UST: variants seen among roughly 807,000 people sequenced by gnomAD.
UST encodes chondroitin sulfate 2-O-sulfotransferase.
In UST, 21 loss-of-function variants were observed where a neutral mutation model predicts 45.6. That is an observed-to-expected ratio of 0.46 (90% confidence interval 0.33 to 0.66). UST has a LOEUF of 0.66. UST is among the 30% of genes least tolerant of loss of function. The pLI is 0.02. For synonymous variants in UST, 215 were observed against 200.6 expected (o/e 1.07, Z -0.61); for missense variants, 463 against 512.4 (o/e 0.90, Z 0.93).
At chr6:149,006,945 A>T (rs1353352538) in intron 5 of UST, among the ~76,000 whole-genome samples, 1 of 152,120 alleles carries the variant, frequency 6.6e-6, no homozygotes, top group Non-Finnish European at 1.5e-5. Context: ...TTCTGTCTGT[A>T]GTTGACAGGT....
At chr6:148,887,081 AG>A in intron 2 of UST, 52 bp downstream of exon 2, 1 of 1,407,666 alleles carries the variant, frequency 7.1e-7, no homozygotes, top group Non-Finnish European at 1.0e-6. Context: ...TCTTACTTAC[AG>A]CCTCCAACAA....
intron 1 of UST, among the ~76,000 whole-genome samples, chr6:148,750,864 C>T (rs939764351): frequency 6.6e-6 from 1 of 152,210 alleles, no homozygotes; most frequent in Non-Finnish European, 1.5e-5. Context: ...TAATGTTGGT[C>T]GGACTCGCAT....
chr6:148,886,935 T>C (rs746815688), intron 1 of UST, 51 bp from the exon 2 acceptor site: 1 of 1,476,178 alleles, frequency 6.8e-7, no homozygotes, highest in South Asian at 1.1e-5. Flanking sequence ...TGCACTAAAT[T>C]CATTTGGGAT....
chr6:148,935,249 C>T (rs1779997123), intron 2 of UST, among the ~76,000 whole-genome samples: 1 of 152,156 alleles, frequency 6.6e-6, no homozygotes, highest in African/African-American at 2.4e-5. Flanking sequence ...ATATATAATT[C>T]ATAGAATGAA....
At chr6:149,032,238 C>G (rs971245581) in intron 7 of UST, among the ~76,000 whole-genome samples, 1 of 152,188 alleles carries the variant, frequency 6.6e-6, no homozygotes, top group African/African-American at 2.4e-5. Flanking sequence ...CTGCCCTCTT[C>G]CCATCCTACC....
At chr6:148,880,117 G>A (rs1356862052) in intron 1 of UST, among the ~76,000 whole-genome samples, 1 of 151,112 alleles carries the variant, frequency 6.6e-6, no homozygotes, top group Non-Finnish European at 1.5e-5. Flanking sequence ...ACCAGGCTCA[G>A]CTAATTTTTG....
intron 2 of UST, among the ~76,000 whole-genome samples, chr6:148,915,041 A>G (rs952495522): frequency 3.3e-5 from 5 of 152,078 alleles, no homozygotes; most frequent in Non-Finnish European, 7.4e-5. Context: ...TGGAGGGGGC[A>G]TGGCAATTCT....
intron 2 of UST, among the ~76,000 whole-genome samples, chr6:148,911,078 G>T (rs1779465560): frequency 6.6e-6 from 1 of 152,062 alleles, no homozygotes; most frequent in African/African-American, 2.4e-5. Context: ...AGGGTCTCTG[G>T]TGAAGCCCAG....
At chr6:148,974,947 G>A (rs948311558) in intron 5 of UST, among the ~76,000 whole-genome samples, 2 of 152,152 alleles carry the variant, frequency 1.3e-5, no homozygotes, top group Non-Finnish European at 2.9e-5. Flanking sequence ...ACTCACTTCC[G>A]GGTTTTGTAA....
At chr6:148,993,956 C>CTTTTTTTTTTTTTTTTTT (rs57552256) in intron 5 of UST, among the ~76,000 whole-genome samples, 1 of 95,366 alleles carries the variant, frequency 1.0e-5, no homozygotes, top group African/African-American at 4.6e-5. Context: ...TATTTCTTTC[C>CTTTTTTTTTTTTTTTTTT]TTTTTTTTTT....
At chr6:148,851,838 C>A (rs1441884078) in intron 1 of UST, among the ~76,000 whole-genome samples, 1 of 152,220 alleles carries the variant, frequency 6.6e-6, no homozygotes, top group Admixed American at 6.5e-5. Flanking sequence ...GCTCACTGCT[C>A]CGACAACTTA....
At chr6:148,773,524 T>C (rs1776473697) in intron 1 of UST, among the ~76,000 whole-genome samples, 1 of 151,488 alleles carries the variant, frequency 6.6e-6, no homozygotes, top group Non-Finnish European at 1.5e-5. Context: ...GTATTAAGAG[T>C]CTAATTTATT....
At chr6:149,063,404 A>T (rs1349279472) in intron 7 of UST, among the ~76,000 whole-genome samples, 2 of 152,234 alleles carry the variant, frequency 1.3e-5, no homozygotes, top group Non-Finnish European at 2.9e-5. Flanking sequence ...TTAAAAAAAT[A>T]TCAAAAACAT....
In UST at chr6:149,049,925, T is replaced by TCA. The variant is rs1368206282; in HGVS notation, c.938-23907_938-23906insAC. On this transcript the variant is annotated intron_variant, in intron 7 of 7. Transcript: ENST00000367463. ...CTCACCTTGTCTCTCTCTCTCTCTC[T>TCA]CTCTCTCACACACACACACACACAC... is the stretch of plus-strand genomic sequence containing the variant. Among the ~76,000 whole-genome samples the TCA allele has an allele frequency of 3.9e-4, 50 of 128,806 alleles. No homozygotes were observed. The South Asian group carries it at 4.4e-3, about 11-fold the overall frequency. The allele number at this position is 128,806 out of a possible 152,430, so 84.5% of individuals were successfully genotyped here.
intron 5 of UST, among the ~76,000 whole-genome samples, chr6:148,965,291 TC>T (rs1780765541): frequency 6.6e-6 from 1 of 152,134 alleles, no homozygotes; most frequent in African/African-American, 2.4e-5. Flanking sequence ...AAGGTACATT[TC>T]CCATCCCTGT....
chr6:148,776,655 AGAAAGT>A (rs1345525620), intron 1 of UST, among the ~76,000 whole-genome samples: 1 of 152,236 alleles, frequency 6.6e-6, no homozygotes, highest in Admixed American at 6.5e-5. Context: ...GGTGTTTTCT[AGAAAGT>A]GAAAGTTTAG....
intron 1 of UST, among the ~76,000 whole-genome samples, chr6:148,792,687 G>A (rs1007586362): frequency 6.6e-6 from 1 of 152,088 alleles, no homozygotes; most frequent in Non-Finnish European, 1.5e-5. Flanking sequence ...CATTTTCTGG[G>A]ATCTATTTTA....
chr6:149,049,202 C>T (rs980355059), intron 7 of UST, among the ~76,000 whole-genome samples: 1 of 152,012 alleles, frequency 6.6e-6, no homozygotes, highest in African/African-American at 2.4e-5. Context: ...TACATAAAAA[C>T]TATTATAAGG....
chr6:148,947,467 G>A (rs1223225817), intron 3 of UST, among the ~76,000 whole-genome samples: 3 of 152,178 alleles, frequency 2.0e-5, no homozygotes, highest in South Asian at 2.1e-4. Flanking sequence ...AAAAACTCCC[G>A]AAGAGGTCCT....
Sources: gnomAD v4.1 joint callset for allele counts (sites outside exome capture counted in the v4.1 genomes callset) on GRCh38, gnomAD v4.1.1 for gene constraint, MANE v1.5 for transcripts, NCBI Gene and HGNC (gene_info 2026-07-23, HGNC 2026-07-21) for gene names.